The following MACF1 variants were observed in gnomAD, a reference collection of about 807,000 sequenced individuals.
MACF1 encodes microtubule-actin cross-linking factor 1.
A neutral mutation model predicts 854.8 loss-of-function variants in MACF1; 193 were observed. The ratio of observed to expected loss-of-function variants is 0.23; its 90% CI spans 0.20 to 0.25. The LOEUF (loss-of-function observed/expected upper bound fraction) is 0.25, where lower values mean the gene tolerates loss of function less well. Among genes scored for constraint, MACF1 ranks in the 10% least tolerant of loss-of-function variants. MACF1 has a pLI of 1.00. For missense variants in MACF1, 7,722 were observed against 8,929.1 expected (o/e 0.86, Z 5.45); for synonymous variants, 3,185 against 3,226.7 (o/e 0.99, Z 0.44).
Position 39,437,821 on chromosome 1 carries a change from T to C in MACF1, c.18033T>C (p.Leu6011=). 1 of 1,614,164 alleles carries C rather than the reference T, an allele frequency of 6.2e-7. No individual in the cohort carries two copies. Among genetic ancestry groups the C allele is most frequent in the Non-Finnish European group, 8.5e-7 (1 of 1,180,008 alleles). ...CTATGTTGGAGACACTGGAGAATCT[T>C]TCCTCTCGCCTGCGTATGCCACCAC... ...IEPMLETLEN[L]SSRLRMPPLI... Residue 6011 remains leucine, a synonymous_variant, in exon 71 of 101, where the codon CTT becomes CTC. Transcript: ENST00000564288.
intron 4 of MACF1, 192 bp from the exon 5 acceptor site, chr1:39,254,106 G>C (rs1645072330): frequency 1.8e-6 from 1 of 565,852 alleles, no homozygotes; most frequent in Admixed American, 3.1e-5. Flanking sequence ...AAGACATTTG[G>C]GGACCTCAGA....
intron 2 of MACF1, among the ~76,000 whole-genome samples, chr1:39,186,989 T>A (rs1311571187): frequency 6.6e-6 from 1 of 151,212 alleles, no homozygotes; most frequent in Non-Finnish European, 1.5e-5. Flanking sequence ...ATTCTTGATT[T>A]TTTTTTTTTT....
At chr1:39,200,099 A>G (rs1018502752), upstream of MACF1, among the ~76,000 whole-genome samples, 1 of 152,196 alleles carries the variant, frequency 6.6e-6, no homozygotes, top group Non-Finnish European at 1.5e-5. Flanking sequence ...TCAAAACTGC[A>G]CTTGTTAGAG....
chr1:39,168,634 A>G (rs540170123), intron 2 of MACF1, among the ~76,000 whole-genome samples: 1 of 152,256 alleles, frequency 6.6e-6, no homozygotes, highest in East Asian at 1.9e-4. Flanking sequence ...CGCCTGGCTC[A>G]AATCTGTGTT....
chr1:39,284,299 G>A, intron 10 of MACF1, 34 bp from the exon 11 acceptor site: 1 of 1,566,232 alleles, frequency 6.4e-7, no homozygotes, highest in Non-Finnish European at 8.6e-7. Flanking sequence ...CCTATAGTTT[G>A]TGTCCATTTA....
Position 39,333,544 on chromosome 1 carries a change from G to A in MACF1, c.6956G>A (p.Ser2319Asn), listed in dbSNP as rs758417603. The A allele has an allele frequency of 1.2e-6, 2 of 1,614,116 alleles. No homozygotes were observed. The highest frequency in any genetic ancestry group is 1.7e-6 in the Non-Finnish European group (2 of 1,180,042). Residue 2319 changes from serine to asparagine, a missense_variant, in exon 37 of 101, where the codon AGT becomes AAT. By Grantham distance (46) the Ser-to-Asn change is conservative. Transcript: ENST00000564288. ...GCAATATCCCGAGGCATTGTGCCAA[G>A]TCACACTGCCGTGAAGCTTATGGAG... Reference protein sequence around the residue: ...NEAISRGIVPSHTAVKLMEKL... With the variant: ...NEAISRGIVPNHTAVKLMEKL...
intron 67 of MACF1, 38 bp downstream of exon 67, chr1:39,432,692 A>G (rs781488950): frequency 2.5e-6 from 4 of 1,593,068 alleles, no homozygotes; most frequent in Non-Finnish European, 3.4e-6. Flanking sequence ...TAGAATCATC[A>G]GTAACTTAGA....
chr1:39,335,988 A>AAGTCTTTCCAAGGAACCACCAGACC lies in MACF1; in HGVS notation c.9424_9425insCAGTCTTTCCAAGGAACCACCAGAC (p.Gln3142ProfsTer23). 1 of 1,614,168 alleles carries AAGTCTTTCCAAGGAACCACCAGACC rather than the reference A, an allele frequency of 6.2e-7. No individual in the cohort carries two copies. The highest frequency in any genetic ancestry group is 8.5e-7 in the Non-Finnish European group (1 of 1,180,024). The stretch of plus-strand genomic sequence containing the variant: ...CCCATCCCAAATTTCCAAAACAGAC[A>AAGTCTTTCCAAGGAACCACCAGACC]AGTCTTTCCAAGGAACCACCAGACA... On this transcript the variant is annotated frameshift_variant, in exon 37 of 101. Transcript: ENST00000564288. LOFTEE classifies it high-confidence loss of function.
intron 60 of MACF1, among the ~76,000 whole-genome samples, chr1:39,423,543 A>C (rs1457059942): frequency 6.6e-6 from 1 of 151,572 alleles, no homozygotes; most frequent in African/African-American, 2.4e-5. Context: ...GCTGAGGCAG[A>C]AGAATGGTGT....
intron 36 of MACF1, among the ~76,000 whole-genome samples, chr1:39,330,444 C>G (rs1190615388): frequency 6.6e-6 from 1 of 152,194 alleles, no homozygotes; most frequent in Admixed American, 6.6e-5. Context: ...GGAATTGCTA[C>G]TTCTAGAGTC....
Position 39,442,232 on chromosome 1 carries a change from A to G in MACF1, c.18860A>G (p.Asp6287Gly). The G allele has an allele frequency of 6.2e-7, 1 of 1,610,580 alleles. No homozygotes were observed. Among genetic ancestry groups the G allele is most frequent in the Non-Finnish European group, 8.5e-7 (1 of 1,179,034 alleles). Residue 6287 changes from aspartate (D) to glycine (G), a missense_variant, in exon 76 of 101, where the codon GAT becomes GGT. Transcript: ENST00000564288. ...QGELMLKKAT[D>G]ETDRDIIREP... is the part of the protein sequence containing the mutation. ...GAACTGATGTTAAAGAAAGCTACTG[A>G]TGAGACGGACAGAGACATTATACGA...
chr1:39,097,410 T>A (rs1248180843), intron 2 of MACF1, among the ~76,000 whole-genome samples: 1 of 152,082 alleles, frequency 6.6e-6, no homozygotes. Context: ...CGAGTTGCAA[T>A]AGGATTCAGG....
intron 2 of MACF1, among the ~76,000 whole-genome samples, chr1:39,194,351 CT>C (rs749853544): frequency 9.0e-4 from 32 of 35,532 alleles, no homozygotes; most frequent in Non-Finnish European, 1.2e-3. Context: ...CTTTTCTTTT[CT>C]TTTTTTTTTT....
At chr1:39,412,244 T>C in intron 58 of MACF1, 1 of 1,614,002 alleles carries the variant, frequency 6.2e-7, no homozygotes, top group Non-Finnish European at 8.5e-7. Flanking sequence ...AATCATGAAC[T>C]AACAGATGTT....
chr1:39,435,036 T>C (rs1215945898), intron 69 of MACF1, among the ~76,000 whole-genome samples: 1 of 152,222 alleles, frequency 6.6e-6, no homozygotes. Context: ...TAATGACACT[T>C]CAAAATGTTT....
intron 6 of MACF1, among the ~76,000 whole-genome samples, chr1:39,274,841 T>C (rs1166955324): frequency 6.6e-6 from 1 of 152,186 alleles, no homozygotes; most frequent in Non-Finnish European, 1.5e-5. Context: ...AGCATATGCT[T>C]GGTAGGGTTG....
chr1:39,413,127 G>A (rs746694571), intron 58 of MACF1: 1 of 1,611,064 alleles, frequency 6.2e-7, no homozygotes, highest in East Asian at 2.2e-5. Context: ...TCTCCCCAGA[G>A]TGGGCTGCTT....
intron 2 of MACF1, among the ~76,000 whole-genome samples, chr1:39,122,045 T>C (rs1038734375): frequency 6.6e-6 from 1 of 152,166 alleles, no homozygotes; most frequent in African/African-American, 2.4e-5. Flanking sequence ...AAAAATTGTT[T>C]ACCTTAAGAC....
intron 2 of MACF1, among the ~76,000 whole-genome samples, chr1:39,194,321 CTT>C (rs1313222309): frequency 5.9e-5 from 2 of 33,682 alleles, no homozygotes; most frequent in Non-Finnish European, 1.6e-4. Context: ...AGTGGAATTT[CTT>C]TTCTTTTCTT....
Sources: allele counts gnomAD v4.1 joint callset (sites outside exome capture counted in the v4.1 genomes callset), GRCh38; gene constraint gnomAD v4.1.1; transcripts MANE v1.5; gene names NCBI Gene and HGNC (gene_info 2026-07-23, HGNC 2026-07-21).